MANSC1: variants seen among roughly 807,000 people sequenced by gnomAD.
MANSC1 encodes MANSC domain containing 1.
MANSC1 carries 13 observed loss-of-function variants against 14.1 expected under a neutral mutation model. That is an observed-to-expected ratio of 0.92 (90% CI 0.60 to 1.46). The LOEUF is 1.46. Among genes scored for constraint, MANSC1 ranks in the 40% most tolerant of loss-of-function variants. The pLI is 0.00. For synonymous variants in MANSC1, 227 were observed against 200.7 expected, an observed-to-expected ratio of 1.13 and a Z score of -1.11; for missense variants, 486 against 511.4, an observed-to-expected ratio of 0.95 and a Z score of 0.48.
In MANSC1 at chr12:12,330,926, G is replaced by C. The variant is rs773020214; in HGVS notation, c.397C>G (p.Gln133Glu). The change falls in exon 4 of 4, where the codon CAA becomes GAA. Residue 133 changes from glutamine (Q) to glutamate (E), a missense_variant. Gln to Glu is a conservative substitution (Grantham distance 29, BLOSUM62 2). Coordinates refer to ENST00000535902, the MANE Select transcript of MANSC1 (RefSeq NM_018050.4). ...AGAGAATCTTCCTGGGGTAACTCTT[G>C]GCTTGGCAAATTTCTGGTCAAAGAT... is the stretch of plus-strand genomic sequence containing the variant. ...FPSLTRNLPSQELPQEDSLLH... is the reference protein window; with the variant it reads ...FPSLTRNLPSEELPQEDSLLH... The C allele has an allele frequency of 1.3e-6, 2 of 1,586,092 alleles. No individual in the cohort carries two copies. The highest frequency in any genetic ancestry group is 3.8e-5 in the Admixed American group (2 of 52,856).
At position 12,328,299 on chromosome 12, in the gene MANSC1, C is replaced by T. The variant is rs1055514609; in HGVS notation, c.*1728G>A. On this transcript the variant is annotated 3_prime_UTR_variant, in exon 4 of 4. Transcript: ENST00000535902. ...TTGAGACGGAGTCTGGCTCTGTTGC[C>T]CAGGCTGGAGCGCAATGGTGCAATC... is the stretch of plus-strand genomic sequence containing the variant. 1.3e-5 allele frequency: 2 copies of T among 152,058 alleles called. No individual in the cohort carries two copies. Among genetic ancestry groups the T allele is most frequent in the Non-Finnish European group, 2.9e-5 (2 of 68,040 alleles). The allele number at this position is 152,058 out of a possible 1,614,324, so 9.4% of individuals were successfully genotyped here. A position where few individuals can be genotyped will look rare whatever the true frequency, so the allele number is the denominator to read the frequency against.
chr12:12,345,188 C>G (rs934789353), intron 1 of MANSC1, among the ~76,000 whole-genome samples: 1 of 149,688 alleles, frequency 6.7e-6, no homozygotes, highest in African/African-American at 2.5e-5. Context: ...GGTGTGATGG[C>G]GGGCAGCTGT....
In MANSC1 at chr12:12,343,307, A is replaced by C. The variant is rs757374326; in HGVS notation, c.8T>G (p.Phe3Cys). The change falls in exon 2 of 4, where the codon TTC becomes TGC. Residue 3 changes from phenylalanine to cysteine, a missense_variant. Phe to Cys is a radical substitution (Grantham distance 205). Transcript: ENST00000535902. ...GTAAGTCAAGCTCCCTTCTCCCCCGAAGAACATTTTAAATTTCAGTTTAGT... is the reference window on the plus strand; with the variant it reads ...GTAAGTCAAGCTCCCTTCTCCCCCGCAGAACATTTTAAATTTCAGTTTAGT... MF[F>C]GGEGSLTYTL... The C allele has an allele frequency of 6.2e-7, 1 of 1,612,894 alleles. No homozygotes were observed. The highest frequency in any genetic ancestry group is 1.1e-5 in the South Asian group (1 of 91,060).
Position 12,326,613 on chromosome 12 carries a change from T to G in MANSC1, c.*3414A>C, listed in dbSNP as rs1565787660. Reference sequence around the variant, plus strand: ...TTTAAGAGTTTTTTAGTTTTTTTTTTGTTGTTGTTGTTTTGTTTTTTTTTT... The same window carrying G: ...TTTAAGAGTTTTTTAGTTTTTTTTTGGTTGTTGTTGTTTTGTTTTTTTTTT... On this transcript the variant is annotated 3_prime_UTR_variant, in exon 4 of 4. Transcript: ENST00000535902. The G allele has an allele frequency of 2.3e-5, 3 of 132,294 alleles. No individual in the cohort carries two copies. Among genetic ancestry groups the G allele is most frequent in the African/African-American group, 7.9e-5 (3 of 38,120 alleles). 8.2% of individuals were successfully genotyped at this position (132,294 alleles called of 1,614,324 possible).
intron 1 of MANSC1, among the ~76,000 whole-genome samples, chr12:12,349,542 G>A (rs766392230): frequency 6.6e-6 from 1 of 152,126 alleles, no homozygotes; most frequent in African/African-American, 2.4e-5. Context: ...TGAAAGACGG[G>A]GTAAAAGGAT....
intron 3 of MANSC1, among the ~76,000 whole-genome samples, chr12:12,334,393 G>A (rs1862831336): frequency 6.6e-6 from 1 of 152,180 alleles, no homozygotes; most frequent in African/African-American, 2.4e-5. Flanking sequence ...CCAGGCAGGA[G>A]GCAGATAATT....
At chr12:12,346,227 C>T (rs925793563) in intron 1 of MANSC1, among the ~76,000 whole-genome samples, 11 of 151,968 alleles carry the variant, frequency 7.2e-5, no homozygotes, top group Non-Finnish European at 1.2e-4. Context: ...GCCGAGATTG[C>T]GCCACTGCAC....
chr12:12,344,857 C>T (rs1334639555), intron 1 of MANSC1, among the ~76,000 whole-genome samples: 1 of 136,848 alleles, frequency 7.3e-6, no homozygotes, highest in Non-Finnish European at 1.5e-5. Flanking sequence ...TGCTCCTCAG[C>T]CTGCAGATGG....
At chr12:12,332,784 G>T (rs1476520716) in intron 3 of MANSC1, among the ~76,000 whole-genome samples, 1 of 152,132 alleles carries the variant, frequency 6.6e-6, no homozygotes, top group Non-Finnish European at 1.5e-5. Flanking sequence ...GTCTCCCAAA[G>T]TGCTGGGATT....
chr12:12,342,442 T>G (rs1267815793), intron 2 of MANSC1, among the ~76,000 whole-genome samples: 1 of 152,216 alleles, frequency 6.6e-6, no homozygotes, highest in African/African-American at 2.4e-5. Flanking sequence ...GTACAAATAC[T>G]TAAATCCTAA....
intron 1 of MANSC1, among the ~76,000 whole-genome samples, chr12:12,347,295 G>A (rs1486513737): frequency 6.6e-6 from 1 of 152,172 alleles, no homozygotes; most frequent in Non-Finnish European, 1.5e-5. Flanking sequence ...TTCTCATAAG[G>A]AGTGTGCAGC....
At position 12,330,149 on chromosome 12, in the gene MANSC1, A is replaced by G. The variant is rs1862762480; in HGVS notation, c.1174T>C (p.Phe392Leu). ...EKWLLIGSLL[F>L]GVLFLVIGLV... is the part of the protein sequence containing the mutation. The stretch of plus-strand genomic sequence containing the variant: ...CCTATCACCAGGAACAGGACACCAA[A>G]GAGCAGGGACCCGATAAGAAGCCAT... Residue 392 changes from phenylalanine (F) to leucine (L), a missense_variant, in exon 4 of 4, where the codon TTT becomes CTT. Transcript: ENST00000535902. The G allele has an allele frequency of 6.2e-7, 1 of 1,614,190 alleles. No individual in the cohort carries two copies. The highest frequency in any genetic ancestry group is 8.5e-7 in the Non-Finnish European group (1 of 1,180,032).
At chr12:12,346,903 C>T (rs1863016126) in intron 1 of MANSC1, among the ~76,000 whole-genome samples, 2 of 150,164 alleles carry the variant, frequency 1.3e-5, no homozygotes, top group African/African-American at 4.9e-5. Context: ...TTCTGCTCTA[C>T]AAAAGATACC....
Position 12,330,065 on chromosome 12 carries a change from G to T in MANSC1, c.1258C>A (p.Leu420Met). The change falls in exon 4 of 4, where the codon CTG (leucine) becomes ATG (methionine). Residue 420 changes from leucine to methionine, a missense_variant. Coordinates refer to ENST00000535902, the MANE Select transcript of MANSC1 (RefSeq NM_018050.4). Reference protein sequence around the residue: ...ESLRRKRYSRLDYLINGIYVD... With the variant: ...ESLRRKRYSRMDYLINGIYVD... ...TAGATCCCATTGATCAAATAATCCA[G>T]TCTTGAGTAACGTTTCCTGCGGAGT... 6.2e-7 allele frequency: 1 copy of T among 1,614,176 alleles called. No homozygotes were observed. The highest frequency in any genetic ancestry group is 1.1e-5 in the South Asian group (1 of 91,088).
At chr12:12,334,956 G>T (rs147907126) in intron 3 of MANSC1, among the ~76,000 whole-genome samples, 1 of 151,982 alleles carries the variant, frequency 6.6e-6, no homozygotes, top group Non-Finnish European at 1.5e-5. Flanking sequence ...ATCATTCCCC[G>T]AAGCCCCTCA....
chr12:12,331,896 G>A (rs1592029292), intron 3 of MANSC1, among the ~76,000 whole-genome samples: 1 of 152,184 alleles, frequency 6.6e-6, no homozygotes, highest in Non-Finnish European at 1.5e-5. Context: ...TGGAGCCAAT[G>A]TCATAGGTCA....
intron 3 of MANSC1, among the ~76,000 whole-genome samples, chr12:12,332,862 A>T (rs1862810576): frequency 6.6e-6 from 1 of 152,032 alleles, no homozygotes; most frequent in Admixed American, 6.6e-5. Context: ...TAATCAAAAG[A>T]AAATTGTGTG....
chr12:12,347,241 A>G (rs1358807377), intron 1 of MANSC1, among the ~76,000 whole-genome samples: 4 of 152,204 alleles, frequency 2.6e-5, no homozygotes, highest in African/African-American at 4.8e-5. Flanking sequence ...AGACAGTACC[A>G]TCTGGGGGTG....
Position 12,328,984 on chromosome 12 carries a change from T to TCACACA in MANSC1, c.*1037_*1042dup, listed in dbSNP as rs35684053. The TCACACA allele has an allele frequency of 0.27, 35,255 of 131,430 alleles. 5,073 individuals carry two copies. The highest frequency in any genetic ancestry group is 0.39 in the East Asian group (1,660 of 4,268). 8.1% of individuals were successfully genotyped at this position (131,430 alleles called of 1,614,324 possible). A position where few individuals can be genotyped will look rare whatever the true frequency, so the allele number is the denominator to read the frequency against. ...GCCTGGGTGACAGAGCAAGACTCTG[T>TCACACA]CACACACACACACACACACACACAC... On this transcript the variant is annotated 3_prime_UTR_variant, in exon 4 of 4. Transcript: ENST00000535902.
Sources: allele counts gnomAD v4.1 joint callset (sites outside exome capture counted in the v4.1 genomes callset), GRCh38; gene constraint gnomAD v4.1.1; transcripts MANE v1.5; gene names NCBI Gene and HGNC (gene_info 2026-07-23, HGNC 2026-07-21).